The following RNF130 variants were observed in gnomAD, a reference collection of about 807,000 sequenced individuals.
The protein encoded by RNF130 is E3 ubiquitin-protein ligase RNF130.
In RNF130, 21 loss-of-function variants were observed where a neutral mutation model predicts 44.6. That is an observed-to-expected ratio of 0.47 (90% CI 0.33 to 0.68). The LOEUF is 0.68. Among genes scored for constraint, RNF130 ranks in the 30% least tolerant of loss-of-function variants. RNF130 has a pLI of 0.02. For synonymous variants in RNF130, 214 were observed against 210.4 expected (o/e 1.02, Z -0.15); for missense variants, 479 against 560.6 (o/e 0.85, Z 1.47).
intron 3 of RNF130, among the ~76,000 whole-genome samples, chr5:179,983,114 T>C (rs189927954): frequency 7.1e-4 from 108 of 152,342 alleles, no homozygotes; most frequent in Non-Finnish European, 1.2e-3. Flanking sequence ...AAAAATCCTT[T>C]TGCATGTATT....
exon 8 of RNF130, chr5:179,912,001 A>C (rs543387349): frequency 3.9e-5 from 6 of 152,262 alleles, no homozygotes; most frequent in Non-Finnish European, 7.3e-5. Flanking sequence ...TTTAATTAAA[A>C]TTCAAGTGCA....
At chr5:179,940,095 C>T (rs1457660108) in intron 7 of RNF130, 1 of 192,078 alleles carries the variant, frequency 5.2e-6, no homozygotes, top group Non-Finnish European at 1.1e-5. Flanking sequence ...GTTTTAATAT[C>T]CTCAGACCAG....
chr5:179,955,802 G>A, intron 8 of RNF130, 133 bp from the exon 9 acceptor site: 1 of 644,864 alleles, frequency 1.6e-6, no homozygotes. Context: ...GTAAGGCCAG[G>A]AAGCCATTAA....
At chr5:180,052,520 G>A (rs1305953223) in intron 1 of RNF130, among the ~76,000 whole-genome samples, 1 of 152,212 alleles carries the variant, frequency 6.6e-6, no homozygotes, top group East Asian at 1.9e-4. Flanking sequence ...AAGAATGTGG[G>A]AGCAAGCTTG....
chr5:179,944,009 T>C (rs1450444218), intron 7 of RNF130, among the ~76,000 whole-genome samples: 15 of 151,994 alleles, frequency 9.9e-5, no homozygotes, highest in African/African-American at 3.6e-4. Flanking sequence ...TCTTGCTCTG[T>C]CACCCAGGCT....
At chr5:179,937,948 G>A (rs1325380449) in intron 7 of RNF130, among the ~76,000 whole-genome samples, 1 of 150,832 alleles carries the variant, frequency 6.6e-6, no homozygotes, top group Non-Finnish European at 1.5e-5. Flanking sequence ...GAGAGAGAGA[G>A]AGAGAGAGAG....
exon 8 of RNF130, chr5:179,914,887 C>G (rs1761519111): frequency 6.6e-6 from 1 of 151,944 alleles, no homozygotes; most frequent in South Asian, 2.1e-4. Flanking sequence ...TAAAAATTAC[C>G]TGGGTGTAGT....
At chr5:179,939,910 C>G (rs1002237042) in intron 7 of RNF130, 1 of 293,036 alleles carries the variant, frequency 3.4e-6, no homozygotes, top group Non-Finnish European at 6.7e-6. Flanking sequence ...AAATGCATTC[C>G]ACCTCCTTCC....
chr5:180,013,556 A>T (rs182631005), intron 2 of RNF130, among the ~76,000 whole-genome samples: 2 of 152,328 alleles, frequency 1.3e-5, no homozygotes, highest in East Asian at 3.9e-4. Context: ...AGTGTTAAGA[A>T]CCATATTAAC....
intron 3 of RNF130, among the ~76,000 whole-genome samples, chr5:180,009,696 T>C (rs6873994): frequency 9.2e-5 from 14 of 152,150 alleles, no homozygotes; most frequent in Non-Finnish European, 1.5e-4. Flanking sequence ...TGCACTTATC[T>C]TAACAGCCCA....
intron 1 of RNF130, among the ~76,000 whole-genome samples, chr5:180,049,100 A>G (rs1179754665): frequency 2.6e-5 from 4 of 152,266 alleles, no homozygotes; most frequent in Non-Finnish European, 5.9e-5. Context: ...AGGTAACCTT[A>G]TACAGTGGCT....
downstream of RNF130, among the ~76,000 whole-genome samples, chr5:179,952,366 G>A (rs1762138653): frequency 6.6e-6 from 1 of 152,120 alleles, no homozygotes; most frequent in Non-Finnish European, 1.5e-5. Flanking sequence ...GAGATAATGA[G>A]TTGGTAATCA....
Position 179,970,468 on chromosome 5 carries a change from C to T in RNF130, c.887G>A (p.Ser296Asn), listed in dbSNP as rs1486843808. 6.2e-7 allele frequency: 1 copy of T among 1,613,666 alleles called. No homozygotes were observed. Among genetic ancestry groups the T allele is most frequent in the Admixed American group, 1.7e-5 (1 of 59,990 alleles). The change falls in exon 6 of 9, where the codon AGT (serine) becomes AAT (asparagine). Residue 296 changes from serine to asparagine, a missense_variant. Coordinates refer to ENST00000521389, the MANE Select transcript of RNF130 (RefSeq NM_018434.6). The part of the protein sequence containing the change: ...FHKSCVDPWL[S>N]EHCTCPMCKL... Reference sequence around the variant, plus strand: ...GCACATAGGACAGGTACAATGTTCACTAAGCCAGGGATCCACGCAGGATTT... The same window carrying T: ...GCACATAGGACAGGTACAATGTTCATTAAGCCAGGGATCCACGCAGGATTT...
chr5:179,935,640 CT>C (rs1761879087), intron 7 of RNF130, among the ~76,000 whole-genome samples: 1 of 152,042 alleles, frequency 6.6e-6, no homozygotes. Flanking sequence ...GCTTGGCTCG[CT>C]GGTCCTATAG....
chr5:180,061,946 G>C (rs2113182772), intron 1 of RNF130, among the ~76,000 whole-genome samples: 1 of 152,266 alleles, frequency 6.6e-6, no homozygotes, highest in East Asian at 1.9e-4. Context: ...CCAAGTTCAA[G>C]GCACCAGCAG....
chr5:179,993,469 G>A (rs1203451450), intron 3 of RNF130, among the ~76,000 whole-genome samples: 2 of 152,194 alleles, frequency 1.3e-5, no homozygotes, highest in East Asian at 1.9e-4. Context: ...TTTCTCTGAT[G>A]GCCAGTGATG....
intron 3 of RNF130, among the ~76,000 whole-genome samples, chr5:179,992,606 A>C (rs1051552987): frequency 6.6e-6 from 1 of 152,088 alleles, no homozygotes; most frequent in Non-Finnish European, 1.5e-5. Flanking sequence ...GGGGGGTGTC[A>C]TATTATCTTT....
chr5:179,997,982 C>CA lies in RNF130; in HGVS notation c.693+15078dup, dbSNP rs1273890132. On this transcript the variant is annotated intron_variant, in intron 3 of 8. Transcript: ENST00000521389. ...TCAGCCTCCCGAGTAGCTGAGACTA[C>CA]AGGTGCGCGCCACCACACCCAGGTA... is the stretch of plus-strand genomic sequence containing the variant. 2.0e-5 allele frequency among the ~76,000 whole-genome samples: 3 copies of CA among 151,958 alleles called. No individual in the cohort carries two copies. In the East Asian group the frequency reaches 5.9e-4, roughly 30 times the overall value.
At chr5:180,039,590 A>C (rs1239879239) in intron 2 of RNF130, among the ~76,000 whole-genome samples, 2 of 152,188 alleles carry the variant, frequency 1.3e-5, no homozygotes, top group Non-Finnish European at 2.9e-5. Context: ...CATTCTATCA[A>C]GATGTGTGGG....
Sources: allele counts gnomAD v4.1 joint callset (sites outside exome capture counted in the v4.1 genomes callset), GRCh38; gene constraint gnomAD v4.1.1; transcripts MANE v1.5; gene names NCBI Gene and HGNC (gene_info 2026-07-23, HGNC 2026-07-21).